The following ELMOD1 variants were observed in gnomAD, a reference collection of about 807,000 sequenced individuals.
The protein encoded by ELMOD1 is ELMO domain containing 1.
ELMOD1 carries 21 observed loss-of-function variants against 46.7 expected under a neutral mutation model. The observed-to-expected ratio is 0.45, with a 90% CI of 0.32 to 0.65. The LOEUF is 0.65. Ranked by LOEUF, ELMOD1 falls within the 30% of genes least tolerant of loss-of-function variation. The pLI, the probability that ELMOD1 is intolerant of heterozygous loss-of-function variation, is 0.04. For synonymous variants in ELMOD1, 122 were observed against 138.2 expected, an observed-to-expected ratio of 0.88 and a Z score of 0.82; for missense variants, 348 against 407.8, an observed-to-expected ratio of 0.85 and a Z score of 1.26.
At chr11:107,649,822 T>A (rs933972315) in intron 7 of ELMOD1, among the ~76,000 whole-genome samples, 1 of 152,220 alleles carries the variant, frequency 6.6e-6, no homozygotes, top group Non-Finnish European at 1.5e-5. Context: ...ACTTAACTAC[T>A]TTTTCCCCTT....
At chr11:107,653,356 AGAG>A (rs1866559275) in intron 9 of ELMOD1, 2 of 151,786 alleles carry the variant, frequency 1.3e-5, no homozygotes, top group Non-Finnish European at 1.5e-5. Flanking sequence ...AGAGAGAGAG[AGAG>A]AAAGCATTTT....
At chr11:107,618,947 A>C (rs956444246) in intron 2 of ELMOD1, among the ~76,000 whole-genome samples, 1 of 152,244 alleles carries the variant, frequency 6.6e-6, no homozygotes, top group Non-Finnish European at 1.5e-5. Flanking sequence ...AGAAAATACA[A>C]CATACTTTCC....
At chr11:107,644,908 G>GTTTTTTTTTTTT (rs35769494) in intron 6 of ELMOD1, among the ~76,000 whole-genome samples, 2 of 127,004 alleles carry the variant, frequency 1.6e-5, no homozygotes, top group African/African-American at 4.1e-5. Flanking sequence ...TTCCTAAAGG[G>GTTTTTTTTTTTT]TTTTTGTTTT....
intron 1 of ELMOD1, among the ~76,000 whole-genome samples, chr11:107,602,123 G>A (rs1865610535): frequency 6.6e-6 from 1 of 152,158 alleles, no homozygotes; most frequent in Non-Finnish European, 1.5e-5. Context: ...GAATATTTTG[G>A]CTAAGTGTAG....
chr11:107,642,339 CA>C (rs1315467595), intron 6 of ELMOD1, among the ~76,000 whole-genome samples: 1 of 151,844 alleles, frequency 6.6e-6, no homozygotes, highest in Non-Finnish European at 1.5e-5. Flanking sequence ...CTTTTATTAA[CA>C]GACATTATAA....
chr11:107,632,238 T>G (rs547105776), intron 5 of ELMOD1, among the ~76,000 whole-genome samples: 2 of 152,252 alleles, frequency 1.3e-5, no homozygotes, highest in East Asian at 3.8e-4. Context: ...TTCGTGACAT[T>G]TAAAATTAGC....
At position 107,599,009 on chromosome 11, in the gene ELMOD1, C is replaced by G. The variant is rs563623512; in HGVS notation, c.-86+7600C>G. ...GCACAAAAGGAAATGCTTTTTCATT[C>G]TCTGAGTATTTATGGAATAAGGGAT... On this transcript the variant is annotated intron_variant, in intron 1 of 11. Transcript: ENST00000265840. Among the ~76,000 whole-genome samples, 3 of 152,270 alleles carry G rather than the reference C, an allele frequency of 2.0e-5. No homozygotes were observed. In the East Asian group the frequency reaches 5.8e-4, roughly 29 times the overall value.
chr11:107,651,090 T>C (rs988366804), intron 9 of ELMOD1, among the ~76,000 whole-genome samples, 182 bp downstream of exon 9: 1 of 152,182 alleles, frequency 6.6e-6, no homozygotes. Context: ...CCAGATGAGA[T>C]TGACCACTTG....
intron 1 of ELMOD1, among the ~76,000 whole-genome samples, chr11:107,615,743 C>T (rs1486742187): frequency 1.3e-5 from 2 of 151,770 alleles, no homozygotes; most frequent in Non-Finnish European, 2.9e-5. Context: ...GTGATAGTTT[C>T]TTAGACTTTC....
intron 4 of ELMOD1, among the ~76,000 whole-genome samples, 179 bp from the exon 5 acceptor site, chr11:107,631,397 ACCCC>A (rs10539761): frequency 1.5e-5 from 2 of 133,864 alleles, no homozygotes; most frequent in Admixed American, 7.7e-5. Context: ...AAATTGCACT[ACCCC>A]CCCCCCCATC....
intron 6 of ELMOD1, among the ~76,000 whole-genome samples, chr11:107,640,290 C>T (rs1866299645): frequency 6.6e-6 from 1 of 152,146 alleles, no homozygotes; most frequent in Non-Finnish European, 1.5e-5. Flanking sequence ...TAGTTATTAA[C>T]CTACTGGTTT....
intron 6 of ELMOD1, among the ~76,000 whole-genome samples, chr11:107,643,196 A>G (rs1866357360): frequency 6.6e-6 from 1 of 151,846 alleles, no homozygotes; most frequent in African/African-American, 2.4e-5. Context: ...GTGAAACCTC[A>G]TCTCTACTAA....
At chr11:107,654,360 C>A in intron 10 of ELMOD1, 138 bp downstream of exon 10, 1 of 738,532 alleles carries the variant, frequency 1.4e-6, no homozygotes, top group Non-Finnish European at 2.3e-6. Flanking sequence ...GTTTAAAGTA[C>A]CCTTCTATAT....
chr11:107,656,429 TA>T (rs1198248989), intron 11 of ELMOD1, among the ~76,000 whole-genome samples: 5 of 142,434 alleles, frequency 3.5e-5, no homozygotes, highest in East Asian at 2.1e-4. Flanking sequence ...ATTATATATA[TA>T]AAAATACATG....
In ELMOD1 at chr11:107,650,326, C is replaced by T. The variant is rs1207077173; in HGVS notation, c.555-9C>T. On this transcript the variant is annotated splice_polypyrimidine_tract_variant and intron_variant, in intron 7 of 11. Transcript: ENST00000265840. Reference sequence around the variant, plus strand: ...ATAGAGTTACGGTTTTCTTTCCCTCCCGCTGCAGGTATTTCGCGGAAAGGG... The same window carrying T: ...ATAGAGTTACGGTTTTCTTTCCCTCTCGCTGCAGGTATTTCGCGGAAAGGG... 1.9e-6 allele frequency: 3 copies of T among 1,566,338 alleles called. No individual in the cohort carries two copies. Among genetic ancestry groups the T allele is most frequent in the Admixed American group, 1.9e-5 (1 of 53,850 alleles).
intron 2 of ELMOD1, among the ~76,000 whole-genome samples, chr11:107,629,580 A>G (rs1474754420): frequency 6.6e-6 from 1 of 152,232 alleles, no homozygotes; most frequent in Non-Finnish European, 1.5e-5. Flanking sequence ...ATGGACTTAC[A>G]TGGGCCACAG....
intron 11 of ELMOD1, among the ~76,000 whole-genome samples, chr11:107,657,089 A>C (rs1219729153): frequency 6.6e-6 from 1 of 152,140 alleles, no homozygotes; most frequent in Non-Finnish European, 1.5e-5. Flanking sequence ...TAATAGATTA[A>C]TGTATACCCA....
intron 1 of ELMOD1, chr11:107,591,931 G>A: frequency 2.0e-6 from 1 of 510,970 alleles, no homozygotes; most frequent in Non-Finnish European, 4.0e-6. Context: ...CGGCTGGGCT[G>A]TTGAGCTGCG....
chr11:107,656,183 T>G, intron 11 of ELMOD1, 117 bp downstream of exon 11: 1 of 1,135,386 alleles, frequency 8.8e-7, no homozygotes, highest in Non-Finnish European at 1.2e-6. Context: ...AGCTCAGGAG[T>G]TCAAGACCAG....
Sources: allele counts gnomAD v4.1 joint callset (sites outside exome capture counted in the v4.1 genomes callset), GRCh38; gene constraint gnomAD v4.1.1; transcripts MANE v1.5; gene names NCBI Gene and HGNC (gene_info 2026-07-23, HGNC 2026-07-21).